PARVA: variants seen among roughly 807,000 people sequenced by gnomAD.
The protein encoded by PARVA is parvin alpha.
A neutral mutation model predicts 52.6 loss-of-function variants in PARVA; 25 were observed. That is an observed-to-expected ratio of 0.48 (90% CI 0.35 to 0.66). The LOEUF (loss-of-function observed/expected upper bound fraction) is 0.66. PARVA is among the 30% of genes least tolerant of loss of function. The probability of loss-of-function intolerance (pLI) is 0.01; values close to 1 mark genes in which losing one functional copy is unlikely to be tolerated. For missense variants in PARVA, 373 were observed against 450.9 expected (o/e 0.83, Z 1.56); for synonymous variants, 185 against 179.1 (o/e 1.03, Z -0.26).
chr11:12,472,933 A>T (rs1489476474), intron 1 of PARVA, among the ~76,000 whole-genome samples: 1 of 152,180 alleles, frequency 6.6e-6, no homozygotes. Flanking sequence ...CTAAGGCTCC[A>T]TGTGGGGGCT....
At chr11:12,525,547 G>C (rs1196374354) in intron 12 of PARVA, among the ~76,000 whole-genome samples, 1 of 152,040 alleles carries the variant, frequency 6.6e-6, no homozygotes, top group Non-Finnish European at 1.5e-5. Flanking sequence ...TAACTTCCTG[G>C]TATTTGACTT....
At chr11:12,392,785 C>T (rs987845545) in intron 1 of PARVA, among the ~76,000 whole-genome samples, 2 of 152,046 alleles carry the variant, frequency 1.3e-5, no homozygotes, top group Non-Finnish European at 2.9e-5. Context: ...GTTCAGTGCA[C>T]ATCTCCTCAG....
At chr11:12,382,281 A>G (rs908826638) in intron 1 of PARVA, among the ~76,000 whole-genome samples, 5 of 149,684 alleles carry the variant, frequency 3.3e-5, no homozygotes, top group South Asian at 4.2e-4. Flanking sequence ...GATAAGTTCT[A>G]ACTGTTTGTA....
At chr11:12,493,546 A>T (rs1394549338) in intron 4 of PARVA, among the ~76,000 whole-genome samples, 5 of 152,176 alleles carry the variant, frequency 3.3e-5, no homozygotes, top group African/African-American at 4.8e-5. Context: ...ATTACATTTT[A>T]TAAAACATTT....
At chr11:12,430,617 A>G (rs1343275160) in intron 1 of PARVA, among the ~76,000 whole-genome samples, 1 of 152,130 alleles carries the variant, frequency 6.6e-6, no homozygotes, top group Non-Finnish European at 1.5e-5. Context: ...CCTAAGCCTT[A>G]TTACTCACAT....
rs1941797601 is a variant in PARVA, at chr11:12,533,495, T to G, written c.*5570T>G. ...GGGGGTCACTTAATGTTTCACAATG[T>G]TTGGTGAAACAACTTTCATATGAAA... On this transcript the variant is annotated 3_prime_UTR_variant, in exon 13 of 13. Transcript: ENST00000334956. Among the ~76,000 whole-genome samples the G allele has an allele frequency of 6.6e-6, 1 of 152,182 alleles. No individual in the cohort carries two copies. The highest frequency in any genetic ancestry group is 2.4e-5 in the African/African-American group (1 of 41,444).
chr11:12,431,375 T>G (rs1940314381), intron 1 of PARVA, among the ~76,000 whole-genome samples: 1 of 152,226 alleles, frequency 6.6e-6, no homozygotes, highest in East Asian at 1.9e-4. Flanking sequence ...ATTCAGCCCC[T>G]GCCTGCAATC....
At position 12,534,213 on chromosome 11, in the gene PARVA, C is replaced by G. The variant is rs778674576; in HGVS notation, c.*6288C>G. Reference sequence around the variant, plus strand: ...AACAAAAATCCATGAACAAGTGGACCTGCCCAGTTCAAATCATTGTTGTTC... The same window carrying G: ...AACAAAAATCCATGAACAAGTGGACGTGCCCAGTTCAAATCATTGTTGTTC... On this transcript the variant is annotated 3_prime_UTR_variant, in exon 13 of 13. Transcript: ENST00000334956. Among the ~76,000 whole-genome samples, 2 of 152,142 alleles carry G rather than the reference C, an allele frequency of 1.3e-5. No homozygotes were observed. The highest frequency in any genetic ancestry group is 2.9e-5 in the Non-Finnish European group (2 of 68,032).
Position 12,504,436 on chromosome 11 carries a change from C to G in PARVA, c.657+7C>G, listed in dbSNP as rs919016102. The G allele has an allele frequency of 1.3e-6, 2 of 1,539,218 alleles. No individual in the cohort carries two copies. The highest frequency in any genetic ancestry group is 1.8e-6 in the Non-Finnish European group (2 of 1,111,910). ...CCAAGTGGTTGTGGTCCAGGTAAGA[C>G]AGGTAACACTACAAACATCTGTGTC... On this transcript the variant is annotated splice_region_variant and intron_variant, in intron 6 of 12. Coordinates refer to ENST00000334956, the MANE Select transcript of PARVA (RefSeq NM_018222.5).
rs140942616 is a variant in PARVA at position 12,501,691 on chromosome 11, A to C, written c.542-2623A>C. 7.6e-4 allele frequency among the ~76,000 whole-genome samples: 116 copies of C among 152,348 alleles called. No homozygotes were observed. The East Asian group carries it at 0.021, about 28-fold the overall frequency. On this transcript the variant is annotated intron_variant, in intron 5 of 12. Coordinates refer to ENST00000334956, the MANE Select transcript of PARVA (RefSeq NM_018222.5). ...TTCCAGGGTTTTAAAACATCATAGTATATTACACAGTAACATCTTTGTACA... is the reference window on the plus strand; with the variant it reads ...TTCCAGGGTTTTAAAACATCATAGTCTATTACACAGTAACATCTTTGTACA...
At chr11:12,467,518 TTTG>T (rs909198407) in intron 1 of PARVA, among the ~76,000 whole-genome samples, 4 of 152,260 alleles carry the variant, frequency 2.6e-5, no homozygotes, top group Non-Finnish European at 5.9e-5. Context: ...GTTTAATTTT[TTTG>T]TTGTTGTTGT....
intron 1 of PARVA, among the ~76,000 whole-genome samples, chr11:12,398,578 C>G (rs1939783275): frequency 6.6e-6 from 1 of 151,004 alleles, no homozygotes; most frequent in African/African-American, 2.4e-5. Context: ...CCCCCGTCCT[C>G]CTGTGCCTAG....
chr11:12,520,354 G>A (rs1470594016), intron 12 of PARVA, among the ~76,000 whole-genome samples: 1 of 152,232 alleles, frequency 6.6e-6, no homozygotes, highest in African/African-American at 2.4e-5. Context: ...CTTCTACCTG[G>A]AAAGTGAGAT....
chr11:12,484,399 T>C (rs991519536), intron 4 of PARVA, among the ~76,000 whole-genome samples: 2 of 152,170 alleles, frequency 1.3e-5, no homozygotes, highest in Admixed American at 1.3e-4. Flanking sequence ...CTCTTCTTTC[T>C]GGTTTTCACA....
At chr11:12,503,733 C>CAAA (rs149797718) in intron 5 of PARVA, among the ~76,000 whole-genome samples, 8 of 150,190 alleles carry the variant, frequency 5.3e-5, no homozygotes, top group African/African-American at 2.0e-4. Context: ...GACCCTGCTT[C>CAAA]AAAAAAAAAG....
At chr11:12,473,671 C>A in intron 1 of PARVA, 74 bp from the exon 2 acceptor site, 2 of 1,098,490 alleles carry the variant, frequency 1.8e-6, no homozygotes, top group Non-Finnish European at 2.7e-6. Flanking sequence ...CAATATCGAA[C>A]ACCCTTGTTA....
At chr11:12,397,819 C>CTTTTTTTTTTTTTTT (rs569053771) in intron 1 of PARVA, among the ~76,000 whole-genome samples, 1 of 136,174 alleles carries the variant, frequency 7.3e-6, no homozygotes, top group Non-Finnish European at 1.6e-5. Context: ...GGGGGAAGGT[C>CTTTTTTTTTTTTTTT]TTTTTTTTTT....
chr11:12,384,553 G>A (rs183125217), intron 1 of PARVA, among the ~76,000 whole-genome samples: 3 of 152,330 alleles, frequency 2.0e-5, no homozygotes, highest in Admixed American at 2.0e-4. Context: ...GAGAAATAGA[G>A]GGTTGTGGTC....
chr11:12,384,782 G>C (rs1939547154), intron 1 of PARVA, among the ~76,000 whole-genome samples: 1 of 152,180 alleles, frequency 6.6e-6, no homozygotes, highest in African/African-American at 2.4e-5. Flanking sequence ...GACTGGAGAA[G>C]AGAGTGAGCA....
Sources: gnomAD v4.1 joint callset for allele counts (sites outside exome capture counted in the v4.1 genomes callset) on GRCh38, gnomAD v4.1.1 for gene constraint, MANE v1.5 for transcripts, NCBI Gene and HGNC (gene_info 2026-07-23, HGNC 2026-07-21) for gene names.